SDHA: variants seen among roughly 807,000 people sequenced by gnomAD.
SDHA encodes the protein succinate dehydrogenase complex flavoprotein subunit A.
A neutral mutation model predicts 78.4 loss-of-function variants in SDHA; 48 were observed. The ratio of observed to expected loss-of-function variants is 0.61; its 90% CI spans 0.49 to 0.78. The LOEUF is 0.78. SDHA is among the 30% of genes least tolerant of loss of function. SDHA has a pLI of 0.00. For synonymous variants in SDHA, 326 were observed against 353.9 expected, an observed-to-expected ratio of 0.92 and a Z score of 0.88; for missense variants, 680 against 892.7, an observed-to-expected ratio of 0.76 and a Z score of 3.04.
At chr5:241,847 AAC>A (rs920438080) in intron 11 of SDHA, among the ~76,000 whole-genome samples, 1 of 152,236 alleles carries the variant, frequency 6.6e-6, no homozygotes, top group Admixed American at 6.5e-5. Flanking sequence ...TGGTGAGAAG[AAC>A]AGTGTGACTA....
At chr5:233,430 A>G (rs1735538356) in intron 7 of SDHA, 47 bp from the exon 8 acceptor site, 4 of 1,593,238 alleles carry the variant, frequency 2.5e-6, no homozygotes, top group Non-Finnish European at 3.4e-6. Flanking sequence ...CATTTGAAAT[A>G]GAGATCTAGC....
At chr5:255,553 G>A (rs1380969458) in intron 14 of SDHA, among the ~76,000 whole-genome samples, 1 of 151,680 alleles carries the variant, frequency 6.6e-6, no homozygotes. Flanking sequence ...ACCTCCCCCA[G>A]GCTCAGGTGA....
the SDHA span, among the ~76,000 whole-genome samples, chr5:267,238 G>A: frequency 6.6e-6 from 1 of 152,250 alleles, no homozygotes; most frequent in Non-Finnish European, 1.5e-5. Flanking sequence ...GGAGTCACGG[G>A]AGAAAGTATC....
intron 14 of SDHA, among the ~76,000 whole-genome samples, chr5:255,085 C>T (rs1407376169): frequency 7.4e-6 from 1 of 134,370 alleles, no homozygotes; most frequent in Non-Finnish European, 1.5e-5. Flanking sequence ...GGGTCGCAGC[C>T]TTTTTCCACA....
chr5:225,838 C>T (rs2126548980), intron 4 of SDHA, 45 bp from the exon 5 acceptor site: 1 of 1,607,444 alleles, frequency 6.2e-7, no homozygotes, highest in Non-Finnish European at 8.5e-7. Context: ...AATATCTTGA[C>T]TCCTTTAAGG....
At chr5:257,503 C>CTGGT (rs1737278433), downstream of SDHA, among the ~76,000 whole-genome samples, 3 of 82,892 alleles carry the variant, frequency 3.6e-5, no homozygotes, top group African/African-American at 9.9e-5. Context: ...AGAGCGTTAC[C>CTGGT]GTGAGCTCCG....
rs1485193902 is a variant in SDHA at position 236,512 on chromosome 5, G to C, written c.1345G>C (p.Ala449Pro). Residue 449 changes from alanine to proline, a missense_variant, in exon 10 of 15, where the codon GCC becomes CCC. By Grantham distance (27) the Ala-to-Pro change is conservative (BLOSUM62 -1). Transcript: ENST00000264932. ...GEAACASVHG[A>P]NRLGANSLLD... ...GGCCGCCTGTGCCTCGGTACATGGT[G>C]CCAACCGCCTCGGGGCAAACTCGCT... The C allele has an allele frequency of 6.2e-7, 1 of 1,614,054 alleles. No individual in the cohort carries two copies. The highest frequency in any genetic ancestry group is 1.7e-5 in the Admixed American group (1 of 60,024).
the SDHA span, among the ~76,000 whole-genome samples, chr5:262,677 AC>A: frequency 6.6e-6 from 1 of 152,242 alleles, no homozygotes; most frequent in Non-Finnish European, 1.5e-5. Context: ...AGTTTAAATA[AC>A]CAAATACTAA....
downstream of SDHA, among the ~76,000 whole-genome samples, chr5:260,113 A>G (rs867672021): frequency 1.5e-4 from 1 of 6,682 alleles, no homozygotes; most frequent in Non-Finnish European, 2.8e-4. Context: ...GCCTCCCGTC[A>G]GAGCATTACC....
intron 8 of SDHA, 86 bp downstream of exon 8, chr5:233,731 C>T (rs1735576789): frequency 7.4e-7 from 1 of 1,359,656 alleles, no homozygotes. Flanking sequence ...TCGCCCTCAC[C>T]TTCGTGTGCA....
At chr5:227,387 C>G (rs1253880275) in intron 5 of SDHA, among the ~76,000 whole-genome samples, 1 of 152,226 alleles carries the variant, frequency 6.6e-6, no homozygotes, top group Non-Finnish European at 1.5e-5. Context: ...TCAGAGTCAA[C>G]TTTGGCATGG....
intron 9 of SDHA, 125 bp from the exon 10 acceptor site, chr5:236,303 C>A: frequency 3.2e-6 from 3 of 939,454 alleles, no homozygotes; most frequent in Non-Finnish European, 1.7e-6. Context: ...AGATTACAGG[C>A]GTGAGCCACC....
intron 1 of SDHA, among the ~76,000 whole-genome samples, chr5:220,663 G>A (rs915303849): frequency 1.3e-5 from 2 of 151,882 alleles, no homozygotes; most frequent in Non-Finnish European, 2.9e-5. Context: ...GCAAGTCCAG[G>A]ATCCAGAGCC....
chr5:246,765 T>A (rs911683345), intron 11 of SDHA, among the ~76,000 whole-genome samples: 9 of 152,262 alleles, frequency 5.9e-5, no homozygotes, highest in Non-Finnish European at 1.3e-4. Context: ...TAGAATGGCT[T>A]TTTCTTCCAC....
At chr5:225,702 C>A in intron 4 of SDHA, 140 bp downstream of exon 4, 2 of 1,368,922 alleles carry the variant, frequency 1.5e-6, no homozygotes, top group Non-Finnish European at 2.1e-6. Flanking sequence ...AGTCTTTTTC[C>A]GTTATGAACT....
chr5:255,631 TG>T, intron 14 of SDHA, among the ~76,000 whole-genome samples: 1 of 152,112 alleles, frequency 6.6e-6, no homozygotes. Flanking sequence ...TTTGTAGAGA[TG>T]GGGTTTCTCC....
intron 10 of SDHA, among the ~76,000 whole-genome samples, chr5:239,844 A>G (rs2126601065): frequency 6.6e-6 from 1 of 150,702 alleles, no homozygotes; most frequent in East Asian, 2.0e-4. Flanking sequence ...ATCTCGGCTC[A>G]CTGCAACCTC....
chr5:240,012 A>G (rs1736041831), intron 10 of SDHA, among the ~76,000 whole-genome samples: 1 of 152,082 alleles, frequency 6.6e-6, no homozygotes, highest in African/African-American at 2.4e-5. Context: ...CAAGTGATCC[A>G]CCTACCTTGG....
intron 11 of SDHA, chr5:250,375 T>C (rs1403634084): frequency 6.3e-6 from 1 of 158,872 alleles, no homozygotes; most frequent in African/African-American, 2.4e-5. Flanking sequence ...ATACCTACAG[T>C]AAACTTCAGG....
Sources: allele counts gnomAD v4.1 joint callset (sites outside exome capture counted in the v4.1 genomes callset), GRCh38; gene constraint gnomAD v4.1.1; transcripts MANE v1.5; gene names NCBI Gene and HGNC (gene_info 2026-07-23, HGNC 2026-07-21).